The following GALNT17 variants were observed in gnomAD, a reference collection of about 807,000 sequenced individuals.
The protein encoded by GALNT17 is polypeptide N-acetylgalactosaminyltransferase 17, also known as UDP-GalNAc:polypeptide N-acetylgalactosaminyltransferase-like 3.
In GALNT17, 29 loss-of-function variants were observed where a neutral mutation model predicts 63.7. The ratio of observed to expected loss-of-function variants is 0.46; its 90% confidence interval spans 0.34 to 0.62. GALNT17 has a LOEUF of 0.62. Ranked by LOEUF, GALNT17 falls within the 20% of genes least tolerant of loss-of-function variation. The pLI is 0.01. For missense variants in GALNT17, 603 were observed against 799.6 expected, an observed-to-expected ratio of 0.75 and a Z score of 2.97; for synonymous variants, 305 against 318.3, an observed-to-expected ratio of 0.96 and a Z score of 0.45.
At chr7:71,184,505 C>T (rs1314865198) in intron 1 of GALNT17, among the ~76,000 whole-genome samples, 2 of 152,156 alleles carry the variant, frequency 1.3e-5, no homozygotes, top group African/African-American at 4.8e-5. Flanking sequence ...GGTAAATCCT[C>T]CCCATCTTGA....
intron 5 of GALNT17, among the ~76,000 whole-genome samples, chr7:71,551,291 C>T (rs1584043495): frequency 6.6e-6 from 1 of 152,106 alleles, no homozygotes; most frequent in Non-Finnish European, 1.5e-5. Context: ...TTAGATTTTT[C>T]TCTTTTTCCT....
chr7:71,651,861 G>A (rs1047852404), intron 6 of GALNT17, among the ~76,000 whole-genome samples: 4 of 151,942 alleles, frequency 2.6e-5, no homozygotes, highest in Non-Finnish European at 4.4e-5. Flanking sequence ...GCAAGCATGC[G>A]CATCCATGCC....
intron 6 of GALNT17, among the ~76,000 whole-genome samples, chr7:71,656,480 C>G (rs890451621): frequency 1.3e-5 from 2 of 151,694 alleles, no homozygotes; most frequent in South Asian, 2.1e-4. Context: ...GAAGACCACA[C>G]GAAGATTGAG....
chr7:71,708,300 G>A (rs1434637577), intron 9 of GALNT17, among the ~76,000 whole-genome samples: 2 of 152,166 alleles, frequency 1.3e-5, no homozygotes, highest in Admixed American at 6.5e-5. Flanking sequence ...GTTGGAAGGC[G>A]AGGGAGGAGC....
chr7:71,642,618 T>C (rs1029579514), intron 6 of GALNT17, among the ~76,000 whole-genome samples: 14 of 151,878 alleles, frequency 9.2e-5, no homozygotes, highest in African/African-American at 2.9e-4. Flanking sequence ...GGTGGATCAC[T>C]TGAGGTCAGG....
At chr7:71,227,672 C>A (rs144875292) in intron 1 of GALNT17, among the ~76,000 whole-genome samples, 1 of 152,292 alleles carries the variant, frequency 6.6e-6, no homozygotes, top group Non-Finnish European at 1.5e-5. Context: ...GTTCCCAAAT[C>A]ATTTCTGCCT....
At chr7:71,379,700 A>G (rs1792809538) in intron 2 of GALNT17, among the ~76,000 whole-genome samples, 1 of 152,132 alleles carries the variant, frequency 6.6e-6, no homozygotes, top group Admixed American at 6.5e-5. Flanking sequence ...ACAGGGTGGT[A>G]CAAAAAGAGG....
chr7:71,375,022 T>C (rs1792695374), intron 2 of GALNT17, among the ~76,000 whole-genome samples: 1 of 152,008 alleles, frequency 6.6e-6, no homozygotes, highest in African/African-American at 2.4e-5. Flanking sequence ...GTGTTTTTAG[T>C]AGAGACGGGG....
chr7:71,652,884 T>G (rs1365353388), intron 6 of GALNT17, among the ~76,000 whole-genome samples: 1 of 152,170 alleles, frequency 6.6e-6, no homozygotes, highest in Non-Finnish European at 1.5e-5. Flanking sequence ...AACACTGACA[T>G]TGCAATTGCA....
chr7:71,347,739 G>A (rs2107795), intron 2 of GALNT17, among the ~76,000 whole-genome samples: 101,145 of 151,736 alleles, frequency 0.67, 34,335 homozygotes, highest in East Asian at 0.96. Flanking sequence ...CTGGATCAGA[G>A]GGGGCAGCTG....
intron 5 of GALNT17, among the ~76,000 whole-genome samples, chr7:71,518,168 G>T (rs1265579940): frequency 6.6e-6 from 1 of 152,146 alleles, no homozygotes; most frequent in Admixed American, 6.5e-5. Flanking sequence ...ATCTTCAGAG[G>T]GTTTTAAGCA....
chr7:71,648,348 G>A (rs879472718), intron 6 of GALNT17, among the ~76,000 whole-genome samples: 19 of 149,994 alleles, frequency 1.3e-4, no homozygotes, highest in African/African-American at 4.2e-4. Flanking sequence ...ACAGCTCACC[G>A]CAGCCTGGAA....
rs568355306 is a variant in GALNT17 at position 71,664,038 on chromosome 7, T to G, written c.1081-1373T>G. Among the ~76,000 whole-genome samples the G allele has an allele frequency of 1.1e-4, 16 of 151,916 alleles. No individual in the cohort carries two copies. The East Asian group carries it at 2.9e-3, about 28-fold the overall frequency. ...TAATTTTTTTTTTTACAATAAGGTT[T>G]TTTTTTTTTTTCCCACCTGGACCAA... is the stretch of plus-strand genomic sequence containing the variant. On this transcript the variant is annotated intron_variant, in intron 6 of 10. Transcript: ENST00000333538.
At chr7:71,345,760 G>T (rs767816719) in intron 2 of GALNT17, among the ~76,000 whole-genome samples, 3 of 152,106 alleles carry the variant, frequency 2.0e-5, no homozygotes, top group African/African-American at 4.8e-5. Context: ...GTTTCCCTCC[G>T]CTGTGAAAAG....
intron 1 of GALNT17, among the ~76,000 whole-genome samples, chr7:71,174,535 A>G (rs945674212): frequency 3.3e-5 from 5 of 152,164 alleles, no homozygotes; most frequent in African/African-American, 9.7e-5. Context: ...AGGCCGGCTG[A>G]GTCCCAAAAG....
intron 1 of GALNT17, among the ~76,000 whole-genome samples, chr7:71,211,215 G>A (rs755996463): frequency 6.6e-6 from 1 of 152,178 alleles, no homozygotes; most frequent in Non-Finnish European, 1.5e-5. Context: ...GACCCAGGGG[G>A]AGGTAGTTGA....
chr7:71,210,451 A>G (rs1450052896), intron 1 of GALNT17, among the ~76,000 whole-genome samples: 4 of 152,172 alleles, frequency 2.6e-5, no homozygotes, highest in Admixed American at 6.5e-5. Context: ...GACAATTTGA[A>G]CTGAAGTCTG....
intron 6 of GALNT17, among the ~76,000 whole-genome samples, chr7:71,575,838 G>A (rs1237778104): frequency 2.6e-5 from 4 of 152,132 alleles, no homozygotes; most frequent in Admixed American, 2.0e-4. Context: ...AAAAATAGCA[G>A]TTGACTCTAG....
intron 8 of GALNT17, among the ~76,000 whole-genome samples, chr7:71,674,886 G>A (rs1238949647): frequency 6.6e-6 from 1 of 152,124 alleles, no homozygotes; most frequent in Admixed American, 6.6e-5. Flanking sequence ...CCTCGGAAGG[G>A]GTAAAGAAGT....
Sources: allele counts gnomAD v4.1 joint callset (sites outside exome capture counted in the v4.1 genomes callset), GRCh38; gene constraint gnomAD v4.1.1; transcripts MANE v1.5; gene names NCBI Gene and HGNC (gene_info 2026-07-23, HGNC 2026-07-21).